The following SRA1 variants were observed in gnomAD, a reference collection of about 807,000 sequenced individuals.
SRA1 encodes lncRNA SRA.
In SRA1, 25 loss-of-function variants were observed where a neutral mutation model predicts 24.3. The ratio of observed to expected loss-of-function variants is 1.03; its 90% confidence interval spans 0.75 to 1.43. SRA1 has a LOEUF of 1.43. Ranked by LOEUF, SRA1 falls within the 40% of genes most tolerant of loss-of-function variation. The pLI is 0.00. For missense variants in SRA1, 303 were observed against 286.6 expected (o/e 1.06, Z -0.41); for synonymous variants, 104 against 109.5 (o/e 0.95, Z 0.31).
At position 140,550,351 on chromosome 5, in the gene SRA1, T is replaced by G. The variant is rs571374726; in HGVS notation, c.*349A>C. ...GCTTTCAGTCTACTTTGGGAAAAAG[T>G]GGTAGGCAGTAGTCTGACTTTACCC... On this transcript the variant is annotated 3_prime_UTR_variant, in exon 5 of 5. Transcript: ENST00000336283. 1 of 312,580 alleles carries G rather than the reference T, an allele frequency of 3.2e-6. No individual in the cohort carries two copies. Among genetic ancestry groups the G allele is most frequent in the East Asian group, 7.2e-5 (1 of 13,986 alleles). 19.4% of individuals were successfully genotyped at this position (312,580 alleles called of 1,614,324 possible).
In SRA1 at chr5:140,551,159, C is replaced by T; in HGVS notation, c.365G>A (p.Cys122Tyr). 1 of 1,614,130 alleles carries T rather than the reference C, an allele frequency of 6.2e-7. No homozygotes were observed. Among genetic ancestry groups the T allele is most frequent in the South Asian group, 1.1e-5 (1 of 91,082 alleles). The change falls in exon 4 of 5, where the codon TGT (cysteine) becomes TAT (tyrosine). Residue 122 changes from cysteine to tyrosine, a missense_variant. By Grantham distance (194) the Cys-to-Tyr change is radical (BLOSUM62 -2). Transcript: ENST00000336283. Reference sequence around the variant, plus strand: ...TGCCAGGCGTCGGCTGATGTCATCACATACCTGCTTCTAAGAGACAGAAGC... The same window carrying T: ...TGCCAGGCGTCGGCTGATGTCATCATATACCTGCTTCTAAGAGACAGAAGC... ...DCRGHTRKQV[C>Y]DDISRRLALL...
At position 140,557,197 on chromosome 5, in the gene SRA1, C is replaced by G. The variant is rs1172157515; in HGVS notation, c.101G>C (p.Arg34Pro). 1.2e-6 allele frequency: 2 copies of G among 1,613,016 alleles called. No individual in the cohort carries two copies. The highest frequency in any genetic ancestry group is 8.5e-7 in the Non-Finnish European group (1 of 1,179,858). ...GGCGACCCTCTTGGTAAGCAGCGAGCGCCTGGGTCCGCCGGCCTGGGTCTG... is the reference window on the plus strand; with the variant it reads ...GGCGACCCTCTTGGTAAGCAGCGAGGGCCTGGGTCCGCCGGCCTGGGTCTG... The part of the protein sequence containing the change: ...GLQTQAGGPR[R>P]SLLTKRVAAP... Residue 34 changes from arginine (R) to proline (P), a missense_variant, in exon 2 of 5, where the codon CGC becomes CCC. Arg to Pro is a moderately radical substitution (Grantham distance 103). Coordinates refer to ENST00000336283, the MANE Select transcript of SRA1 (RefSeq NM_001035235.4).
chr5:140,557,492 C>T, upstream of SRA1: 2 of 1,543,990 alleles, frequency 1.3e-6, no homozygotes, highest in South Asian at 1.2e-5. Flanking sequence ...GCGTCATTTC[C>T]GGGGCGGCCC....
At chr5:140,555,513 G>A (rs552372261) in intron 2 of SRA1, among the ~76,000 whole-genome samples, 30 of 152,274 alleles carry the variant, frequency 2.0e-4, no homozygotes, top group African/African-American at 6.0e-4. Flanking sequence ...GATTACAGCC[G>A]TGACTCACTG....
intron 2 of SRA1, among the ~76,000 whole-genome samples, chr5:140,554,044 T>A (rs889760369): frequency 1.5e-4 from 23 of 152,304 alleles, no homozygotes; most frequent in African/African-American, 5.5e-4. Context: ...CCAGTGATCA[T>A]TTTTTCCCAC....
upstream of SRA1, chr5:140,557,540 G>A (rs115037218): frequency 2.0e-6 from 3 of 1,464,096 alleles, no homozygotes; most frequent in African/African-American, 1.4e-5. Flanking sequence ...AGGGCCAGGC[G>A]GGTTGCCGGA....
chr5:140,552,267 T>TG, intron 2 of SRA1, 83 bp from the exon 3 acceptor site: 1 of 1,055,116 alleles, frequency 9.5e-7, no homozygotes, highest in Non-Finnish European at 1.4e-6. Flanking sequence ...TAAGAAGGGC[T>TG]ACTCTCTGAG....
At position 140,557,208 on chromosome 5, in the gene SRA1, G is replaced by A. The variant is rs774394796; in HGVS notation, c.90C>T (p.Gly30=). Residue 30 remains glycine, a synonymous_variant, in exon 2 of 5, where the codon GGC becomes GGT. Transcript: ENST00000336283. ...TGGTAAGCAGCGAGCGCCTGGGTCC[G>A]CCGGCCTGGGTCTGCAGCCCGTATG... The part of the protein sequence containing the change: ...QFSYGLQTQA[G]GPRRSLLTKR... The A allele has an allele frequency of 6.2e-7, 1 of 1,612,402 alleles. No homozygotes were observed.
At position 140,550,078 on chromosome 5, in the gene SRA1, G is replaced by A. The variant is rs1319923362; in HGVS notation, c.*622C>T. On this transcript the variant is annotated 3_prime_UTR_variant, in exon 5 of 5. Coordinates refer to ENST00000336283, the MANE Select transcript of SRA1 (RefSeq NM_001035235.4). ...CACTGAAACCCAAAATGAGGCAGCA[G>A]TTTGTTTGGCAAGTCAGAGTTACAA... 1.9e-5 allele frequency: 3 copies of A among 155,230 alleles called. No homozygotes were observed. Among genetic ancestry groups the A allele is most frequent in the African/African-American group, 7.2e-5 (3 of 41,460 alleles). The allele number at this position is 155,230 out of a possible 1,614,324, so 9.6% of individuals were successfully genotyped here.
intron 1 of SRA1, 63 bp downstream of exon 1, chr5:140,557,365 G>T (rs193239542): frequency 5.9e-5 from 95 of 1,602,590 alleles, no homozygotes; most frequent in Non-Finnish European, 7.6e-5. Flanking sequence ...ACTAAGCGCC[G>T]CAACCGCCCC....
At chr5:140,557,062 GAAAA>G in intron 2 of SRA1, 81 bp downstream of exon 2, 1 of 1,318,976 alleles carries the variant, frequency 7.6e-7, no homozygotes, top group Non-Finnish European at 1.0e-6. Flanking sequence ...CTCGGGGAGA[GAAAA>G]AAGCCTTCCA....
chr5:140,552,179 C>T lies in SRA1; in HGVS notation c.157G>A (p.Ala53Thr), dbSNP rs146775907. 7.7e-6 allele frequency: 12 copies of T among 1,567,044 alleles called. No homozygotes were observed. The highest frequency in any genetic ancestry group is 4.2e-5 in the African/African-American group (3 of 71,442). The change falls in exon 3 of 5, where the codon GCA (alanine) becomes ACA (threonine). Residue 53 changes from alanine to threonine, a missense_variant. By Grantham distance (58) the Ala-to-Thr change is moderately conservative. Coordinates refer to ENST00000336283, the MANE Select transcript of SRA1 (RefSeq NM_001035235.4). ...GGAGGCCCAGGAGAAGTCTCTGATG[C>T]GGGGACTGAAAAGGTACAGCAGGAT... Reference protein sequence around the residue: ...APQDGSPRVPASETSPGPPPM... With the variant: ...APQDGSPRVPTSETSPGPPPM...
At chr5:140,554,621 C>T (rs1017477964) in intron 2 of SRA1, among the ~76,000 whole-genome samples, 5 of 152,218 alleles carry the variant, frequency 3.3e-5, no homozygotes, top group Non-Finnish European at 5.9e-5. Context: ...ATCAGCTCCC[C>T]CTCTCTACTG....
intron 1 of SRA1, 55 bp from the exon 2 acceptor site, chr5:140,557,327 C>T: frequency 2.5e-6 from 4 of 1,605,210 alleles, no homozygotes; most frequent in South Asian, 1.1e-5. Context: ...TTAGCTTATA[C>T]TGGGGCTGGG....
At chr5:140,553,150 A>G (rs1046114627) in intron 2 of SRA1, among the ~76,000 whole-genome samples, 1 of 152,180 alleles carries the variant, frequency 6.6e-6, no homozygotes, top group African/African-American at 2.4e-5. Flanking sequence ...ATATAATGCC[A>G]CTTATTTCAC....
chr5:140,557,098 C>A (rs1325095138), intron 2 of SRA1, 49 bp downstream of exon 2: 26 of 162,806 alleles, frequency 1.6e-4, no homozygotes, highest in East Asian at 2.4e-4. Flanking sequence ...GCCTTACACC[C>A]CCCCCCCCCC....
chr5:140,552,043 A>AGTG lies in SRA1; in HGVS notation c.292_293insCAC (p.Val98delinsAlaLeu), dbSNP rs3085220. 4 of 1,612,926 alleles carry AGTG rather than the reference A, an allele frequency of 2.5e-6. No individual in the cohort carries two copies. The East Asian group carries it at 8.9e-5, about 36-fold the overall frequency. On this transcript the variant is annotated protein_altering_variant, in exon 3 of 5. Transcript: ENST00000336283. ...CAAAGGTCTCAGCACATCCTCCATC[A>AGTG]CAGCCTCAGACTCGACTGGGAAACT...
upstream of SRA1, chr5:140,557,547 C>T (rs925390199): frequency 1.2e-5 from 17 of 1,440,564 alleles, no homozygotes; most frequent in African/African-American, 5.7e-5. Flanking sequence ...GGCGGGTTGC[C>T]GGAATCCGTG....
At chr5:140,552,236 T>A in intron 2 of SRA1, 52 bp from the exon 3 acceptor site, 1 of 1,341,926 alleles carries the variant, frequency 7.5e-7, no homozygotes, top group Non-Finnish European at 1.0e-6. Flanking sequence ...GTAAGAAGCT[T>A]AACTCTAAAT....
Sources: gnomAD v4.1 joint callset for allele counts (sites outside exome capture counted in the v4.1 genomes callset) on GRCh38, gnomAD v4.1.1 for gene constraint, MANE v1.5 for transcripts, NCBI Gene and HGNC (gene_info 2026-07-23, HGNC 2026-07-21) for gene names.